The following PCDH11X variants were observed in gnomAD, a reference collection of about 807,000 sequenced individuals.
The protein encoded by PCDH11X is protocadherin 11 X-linked.
In PCDH11X, 18 loss-of-function variants were observed where a neutral mutation model predicts 53.3. That is an observed-to-expected ratio of 0.34 (90% CI 0.23 to 0.50). PCDH11X has a LOEUF of 0.50. PCDH11X is among the 20% of genes least tolerant of loss of function. The pLI is 0.98. For missense variants in PCDH11X, 570 were observed against 1,032.4 expected (o/e 0.55, Z 6.14); for synonymous variants, 279 against 393.3 (o/e 0.71, Z 3.44).
intron 5 of PCDH11X, among the ~76,000 whole-genome samples, chrX:91,851,163 AT>A (rs747256908): frequency 6.0e-4 from 67 of 111,227 alleles, no homozygotes; most frequent in Middle Eastern, 9.5e-3. Flanking sequence ...AATTATCCAT[AT>A]TTTGTCATAA....
intron 8 of PCDH11X, among the ~76,000 whole-genome samples, chrX:92,361,345 C>T (rs1417371003): frequency 9.0e-6 from 1 of 111,243 alleles, no homozygotes; most frequent in African/African-American, 3.3e-5. Context: ...ACATCCTAAG[C>T]CCTACTTTTT....
At chrX:91,894,215 A>C (rs1940640138) in intron 6 of PCDH11X, among the ~76,000 whole-genome samples, 1 of 112,074 alleles carries the variant, frequency 8.9e-6, no homozygotes, top group South Asian at 3.7e-4. Context: ...TCTTTTGCTC[A>C]GTTACAACTA....
chrX:92,185,466 T>C (rs1420573049), intron 6 of PCDH11X, among the ~76,000 whole-genome samples: 2 of 111,014 alleles, frequency 1.8e-5, no homozygotes, highest in Non-Finnish European at 3.8e-5. Flanking sequence ...ATTTCATAGA[T>C]AAGACCTCAA....
In PCDH11X at chrX:92,403,642, TTAA is replaced by T. The variant is rs780554595; in HGVS notation, c.3343+15711_3343+15713del. On this transcript the variant is annotated intron_variant, in intron 9 of 10. Coordinates refer to ENST00000682573, the MANE Select transcript of PCDH11X (RefSeq NM_032968.5). ...CAGCGTTTAGTTTCCCAGAAGGCTT[TTAA>T]TCAAGGTTATGGGAAAGTCCATAAA... Among the ~76,000 whole-genome samples, 877 of 110,922 alleles carry T rather than the reference TTAA, an allele frequency of 7.9e-3. 14 individuals carry two copies. Among genetic ancestry groups the T allele is most frequent in the African/African-American group, 0.028 (848 of 30,561 alleles).
intron 7 of PCDH11X, among the ~76,000 whole-genome samples, chrX:92,240,626 T>TCA (rs1227075999): frequency 8.9e-6 from 1 of 111,861 alleles, no homozygotes; most frequent in Non-Finnish European, 1.9e-5. Flanking sequence ...TTAACATTCT[T>TCA]CACAGCTTCT....
At chrX:92,319,567 C>G (rs1158045914) in intron 8 of PCDH11X, among the ~76,000 whole-genome samples, 4 of 110,329 alleles carry the variant, frequency 3.6e-5, no homozygotes, top group African/African-American at 1.3e-4. Context: ...ACTATGTTGT[C>G]CAGGCTGGTC....
At chrX:92,096,851 G>A (rs933993189) in intron 6 of PCDH11X, among the ~76,000 whole-genome samples, 1 of 111,121 alleles carries the variant, frequency 9.0e-6, no homozygotes, top group Admixed American at 9.6e-5. Flanking sequence ...TGAAGATTTG[G>A]ATGGGGACAC....
chrX:91,895,075 A>G (rs1940686823), intron 6 of PCDH11X, among the ~76,000 whole-genome samples: 2 of 110,342 alleles, frequency 1.8e-5, no homozygotes. Context: ...GGATAAGGTG[A>G]CTCTTTTTAC....
At chrX:92,526,119 T>C (rs1044617767) in intron 10 of PCDH11X, among the ~76,000 whole-genome samples, 7 of 111,631 alleles carry the variant, frequency 6.3e-5, no homozygotes, top group African/African-American at 2.3e-4. Flanking sequence ...ATGTATGTCC[T>C]TGTAGGCTGA....
At chrX:91,937,976 A>C (rs1468785138) in intron 6 of PCDH11X, among the ~76,000 whole-genome samples, 2 of 111,341 alleles carry the variant, frequency 1.8e-5, no homozygotes, top group African/African-American at 6.5e-5. Context: ...TATCACTAGA[A>C]TATTTCATGA....
chrX:92,220,943 A>G (rs1246804594), intron 7 of PCDH11X, among the ~76,000 whole-genome samples: 7 of 104,567 alleles, frequency 6.7e-5, no homozygotes, highest in Admixed American at 3.2e-4. Flanking sequence ...GTAAACTATC[A>G]CAAGAACAAA....
intron 7 of PCDH11X, among the ~76,000 whole-genome samples, chrX:92,250,523 A>G (rs60307571): frequency 9.2e-6 from 1 of 108,403 alleles, no homozygotes; most frequent in African/African-American, 3.3e-5. Flanking sequence ...AGCATTATTC[A>G]TAATGGCTAA....
At position 92,128,324 on chromosome X, in the gene PCDH11X, C is replaced by G. The variant is rs373517145; in HGVS notation, c.3034-73051C>G. On this transcript the variant is annotated intron_variant, in intron 6 of 10. Coordinates refer to ENST00000682573, the MANE Select transcript of PCDH11X (RefSeq NM_032968.5). ...GAAAAATAATGTTCTAGGAATTGTG[C>G]CTTGGACAGAAAAGAAAGACACAAA... Among the ~76,000 whole-genome samples the G allele has an allele frequency of 1.5e-4, 16 of 110,143 alleles. No homozygotes were observed. In the East Asian group the frequency reaches 4.3e-3, roughly 29 times the overall value.
chrX:91,834,400 A>T (rs1937222421), intron 4 of PCDH11X, among the ~76,000 whole-genome samples: 1 of 109,165 alleles, frequency 9.2e-6, no homozygotes, highest in South Asian at 4.0e-4. Flanking sequence ...AGCAAGAGAG[A>T]TTGATTTTTG....
chrX:91,975,098 G>A (rs1322327265), intron 6 of PCDH11X, among the ~76,000 whole-genome samples: 1 of 110,734 alleles, frequency 9.0e-6, no homozygotes, highest in African/African-American at 3.3e-5. Context: ...ATTGAGGATA[G>A]TACATATGGG....
At chrX:92,491,025 A>C (rs961490429) in intron 10 of PCDH11X, among the ~76,000 whole-genome samples, 5 of 109,715 alleles carry the variant, frequency 4.6e-5, no homozygotes, top group African/African-American at 1.7e-4. Context: ...ACTCTTGTTA[A>C]GCTTGTCTTG....
At chrX:92,467,811 T>A (rs770237017) in intron 9 of PCDH11X, among the ~76,000 whole-genome samples, 1 of 111,635 alleles carries the variant, frequency 9.0e-6, no homozygotes, top group South Asian at 3.7e-4. Context: ...TGCTAGTGCC[T>A]GCTGATTTTG....
rs186303578 is a variant in PCDH11X at position 91,902,292 on chromosome X, G to A, written c.3033+23019G>A. The stretch of plus-strand genomic sequence containing the variant: ...TCCATTCACTACTCATATGTCTCAT[G>A]TAGTTAGCAGTGGCCTCCTATTTGC... On this transcript the variant is annotated intron_variant, in intron 6 of 10. Transcript: ENST00000682573. 4.7e-3 allele frequency among the ~76,000 whole-genome samples: 517 copies of A among 110,157 alleles called. 1 individual carries two copies. Among genetic ancestry groups the A allele is most frequent in the Non-Finnish European group, 8.4e-3 (441 of 52,761 alleles).
intron 6 of PCDH11X, chrX:92,113,913 T>G (rs763465369): frequency 8.3e-7 from 1 of 1,201,977 alleles, no homozygotes; most frequent in Non-Finnish European, 1.1e-6. Context: ...TTTCGTCAGC[T>G]TCATCCAGTA....
Sources: gnomAD v4.1 joint callset for allele counts (sites outside exome capture counted in the v4.1 genomes callset) on GRCh38, gnomAD v4.1.1 for gene constraint, MANE v1.5 for transcripts, NCBI Gene and HGNC (gene_info 2026-07-23, HGNC 2026-07-21) for gene names.